The following COL7A1 variants were observed in gnomAD, a reference collection of about 807,000 sequenced individuals.
COL7A1 encodes the protein collagen alpha-1(VII) chain.
A neutral mutation model predicts 456.2 loss-of-function variants in COL7A1; 296 were observed. The observed-to-expected ratio is 0.65, with a 90% CI of 0.59 to 0.71. The LOEUF is 0.71. Among genes scored for constraint, COL7A1 ranks in the 30% least tolerant of loss-of-function variants. The probability of loss-of-function intolerance (pLI) is 0.00; values close to 1 mark genes in which losing one functional copy is unlikely to be tolerated. For missense variants in COL7A1, 3,441 were observed against 4,017.2 expected (o/e 0.86, Z 3.88); for synonymous variants, 1,464 against 1,525.9 (o/e 0.96, Z 0.95).
chr3:48,585,502 C>T lies in COL7A1; in HGVS notation c.3894+55G>A, dbSNP rs2045175152. 5 of 1,578,302 alleles carry T rather than the reference C, an allele frequency of 3.2e-6. No individual in the cohort carries two copies. In the South Asian group the frequency reaches 3.3e-5, roughly 10 times the overall value. ...CTTCTTCCTTCTCTCTTGTAAAAAC[C>T]CCGAGACAGCTTTGAGGAGTGCCTC... On this transcript the variant is annotated intron_variant, in intron 32 of 118. Coordinates refer to ENST00000681320, the MANE Select transcript of COL7A1 (RefSeq NM_000094.4). This position sits in a 1 kb window ranked among gnomAD's most constrained non-coding sequence, Gnocchi z 4.5.
At position 48,581,009 on chromosome 3, in the gene COL7A1, G is replaced by A. The variant is rs2044715465; in HGVS notation, c.4936-83C>T. 6.2e-7 allele frequency: 1 copy of A among 1,602,154 alleles called. No individual in the cohort carries two copies. Among genetic ancestry groups the A allele is most frequent in the African/African-American group, 1.3e-5 (1 of 74,664 alleles). ...GGAGAGGGGACAGAGAAGGGTCTGA[G>A]CAGCAGCTGGACAGGAGGCAGGGAG... On this transcript the variant is annotated intron_variant, in intron 53 of 118. Transcript: ENST00000681320. The surrounding 1 kb of genome is among the most constrained non-coding windows in gnomAD (Gnocchi z 5.8).
In COL7A1 at chr3:48,592,682, A is replaced by G; in HGVS notation, c.864T>C (p.Gly288=). 6.2e-7 allele frequency: 1 copy of G among 1,613,798 alleles called. No individual in the cohort carries two copies. Among genetic ancestry groups the G allele is most frequent in the South Asian group, 1.1e-5 (1 of 91,084 alleles). Residue 288 remains glycine (G), a synonymous_variant, in exon 8 of 119, where the codon GGT becomes GGC. Transcript: ENST00000681320. The surrounding 1 kb of genome is among the most constrained non-coding windows in gnomAD (Gnocchi z 7.6). ...GACCCCGCAGCCGCACACTGGTCTC[A>G]CCAGCTGGGACGTTCACCTGCCCAG... ...SERQEVNVPA[G]ETSVRLRGLR...
At chr3:48,576,128 G>T in intron 71 of COL7A1, 121 bp downstream of exon 71, 1 of 1,494,526 alleles carries the variant, frequency 6.7e-7, no homozygotes, top group Non-Finnish European at 9.2e-7. Flanking sequence ...CCCCAATGGG[G>T]CAGGGCACTG....
chr3:48,583,715 T>C lies in COL7A1; in HGVS notation c.4341+3A>G. 1 of 1,614,024 alleles carries C rather than the reference T, an allele frequency of 6.2e-7. No individual in the cohort carries two copies. Among genetic ancestry groups the C allele is most frequent in the South Asian group, 1.1e-5 (1 of 91,092 alleles). On this transcript the variant is annotated splice_donor_region_variant and intron_variant, in intron 40 of 118. Transcript: ENST00000681320. The surrounding 1 kb of genome is among the most constrained non-coding windows in gnomAD (Gnocchi z 5.1). The stretch of plus-strand genomic sequence containing the variant: ...TGGGACATCATCAAGTCAGCCTTCC[T>C]ACTTTTTCTCCTTTCTTTCCAGGGG...
Position 48,575,787 on chromosome 3 carries a change from G to C in COL7A1, c.5857-39C>G. ...AGAGGTCAGAGGAGCGGGGTGCGTC[G>C]CCGCAGCCCCTATGCCTGTGGGCAC... On this transcript the variant is annotated intron_variant, in intron 72 of 118. Coordinates refer to ENST00000681320, the MANE Select transcript of COL7A1 (RefSeq NM_000094.4). The surrounding 1 kb of genome is among the most constrained non-coding windows in gnomAD (Gnocchi z 6.3). 1 of 1,613,972 alleles carries C rather than the reference G, an allele frequency of 6.2e-7. No individual in the cohort carries two copies. Among genetic ancestry groups the C allele is most frequent in the Non-Finnish European group, 8.5e-7 (1 of 1,180,000 alleles).
rs759227524 is a variant in COL7A1, at chr3:48,566,473, CCCAGGCCCTCCCAGGCCCAT to C, written c.8358+17_8358+36del. 4 of 1,611,318 alleles carry C rather than the reference CCCAGGCCCTCCCAGGCCCAT, an allele frequency of 2.5e-6. No individual in the cohort carries two copies. The Admixed American group carries it at 6.7e-5, about 27-fold the overall frequency. On this transcript the variant is annotated intron_variant, in intron 113 of 118. Transcript: ENST00000681320. The surrounding 1 kb of genome is among the most constrained non-coding windows in gnomAD (Gnocchi z 5.9). ...TAGGGCCCCAGCCCACCCAGGCCCACCCAGGCCCTCCCAGGCCCATCCAGGCCCACACTCACCGTCAGTGC... is the reference window on the plus strand; with the variant it reads ...TAGGGCCCCAGCCCACCCAGGCCCACCCAGGCCCACACTCACCGTCAGTGC...
rs767909655 is a variant in COL7A1, at chr3:48,592,670, C to T, written c.876G>A (p.Val292=). 1.2e-6 allele frequency: 2 copies of T among 1,613,644 alleles called. No individual in the cohort carries two copies. Among genetic ancestry groups the T allele is most frequent in the East Asian group, 2.2e-5 (1 of 44,826 alleles). The change falls in exon 8 of 119, where the codon GTG becomes GTA. Residue 292 remains valine (V), a synonymous_variant. Coordinates refer to ENST00000681320, the MANE Select transcript of COL7A1 (RefSeq NM_000094.4). This position sits in a 1 kb window ranked among gnomAD's most constrained non-coding sequence, Gnocchi z 7.6. ...TCAGTGGCCGGAGACCCCGCAGCCG[C>T]ACACTGGTCTCACCAGCTGGGACGT... ...EVNVPAGETS[V]RLRGLRPLTE... is the part of the protein sequence containing the mutation.
rs1431457965 is a variant in COL7A1, at chr3:48,572,640, G to A, written c.6900+31C>T. ...TTGTGGGTGAGGCAGAGGAGTTGCT[G>A]CAGGGGGTGGAAGTCAGGGTCAAAG... On this transcript the variant is annotated intron_variant, in intron 88 of 118. Coordinates refer to ENST00000681320, the MANE Select transcript of COL7A1 (RefSeq NM_000094.4). This position sits in a 1 kb window ranked among gnomAD's most constrained non-coding sequence, Gnocchi z 4.6. The A allele has an allele frequency of 1.9e-6, 3 of 1,603,018 alleles. No individual in the cohort carries two copies. The highest frequency in any genetic ancestry group is 2.6e-6 in the Non-Finnish European group (3 of 1,174,736).
Position 48,593,461 on chromosome 3 carries a change from G to A in COL7A1, c.427-12C>T. 1 of 1,614,022 alleles carries A rather than the reference G, an allele frequency of 6.2e-7. No individual in the cohort carries two copies. Among genetic ancestry groups the A allele is most frequent in the Non-Finnish European group, 8.5e-7 (1 of 1,180,008 alleles). On this transcript the variant is annotated splice_polypyrimidine_tract_variant and intron_variant, in intron 4 of 118. Transcript: ENST00000681320. This position sits in a 1 kb window ranked among gnomAD's most constrained non-coding sequence, Gnocchi z 4.4. Reference sequence around the variant, plus strand: ...ATCAGGATGCAGACCTGGGACAGGTGCAGGGGTCAAATCACGGTTCCCCTG... The same window carrying A: ...ATCAGGATGCAGACCTGGGACAGGTACAGGGGTCAAATCACGGTTCCCCTG...
rs754296949 is a variant in COL7A1 at position 48,585,602 on chromosome 3, G to C, written c.3849C>G (p.Pro1283=). The C allele has an allele frequency of 6.2e-7, 1 of 1,613,900 alleles. No individual in the cohort carries two copies. Among genetic ancestry groups the C allele is most frequent in the African/African-American group, 1.3e-5 (1 of 74,946 alleles). The change falls in exon 32 of 119, where the codon CCC becomes CCG. Residue 1283 remains proline (P), a synonymous_variant. Transcript: ENST00000681320. The surrounding 1 kb of genome is among the most constrained non-coding windows in gnomAD (Gnocchi z 4.5). ...DPGLPGRTGA[P]GPQGPPGSAT... ...CACTTCCAGGGGGCCCCTGGGGGCC[G>C]GGAGCACCGGTCCTGCCCTGAAAGA...
Position 48,573,612 on chromosome 3 carries a change from GC to G in COL7A1, c.6574-56del. 6.2e-7 allele frequency: 1 copy of G among 1,613,496 alleles called. No homozygotes were observed. Among genetic ancestry groups the G allele is most frequent in the Non-Finnish European group, 8.5e-7 (1 of 1,179,592 alleles). On this transcript the variant is annotated intron_variant, in intron 82 of 118. Transcript: ENST00000681320. This position sits in a 1 kb window ranked among gnomAD's most constrained non-coding sequence, Gnocchi z 5.5. The stretch of plus-strand genomic sequence containing the variant: ...GGGCTCAGGGATTAACACAGAGAAG[GC>G]CTGGCTCATCAGCTGTGGCCAATGC...
chr3:48,586,704 A>G lies in COL7A1; in HGVS notation c.3277-15T>C. ...AGCAGGCCAACCTGGGGTGGAAGGA[A>G]ACACAGAGCCTGAGGAGGATGACAG... is the stretch of plus-strand genomic sequence containing the variant. On this transcript the variant is annotated splice_polypyrimidine_tract_variant and intron_variant, in intron 25 of 118. Transcript: ENST00000681320. This position sits in a 1 kb window ranked among gnomAD's most constrained non-coding sequence, Gnocchi z 5.1. 1 of 1,568,822 alleles carries G rather than the reference A, an allele frequency of 6.4e-7. No individual in the cohort carries two copies. The highest frequency in any genetic ancestry group is 8.6e-7 in the Non-Finnish European group (1 of 1,156,240).
Position 48,566,737 on chromosome 3 carries a change from C to T in COL7A1, c.8227G>A (p.Gly2743Ser). ...RGPEGLQGQKGERGPPGERVV... is the reference protein window; with the variant it reads ...RGPEGLQGQKSERGPPGERVV... The stretch of plus-strand genomic sequence containing the variant: ...CTCTCTCCGGGGGGACCTCGCTCAC[C>T]CTGTCAGACACAGGGACCAAGTGAG... The change falls in exon 112 of 119, where the codon GGT becomes AGT. Residue 2743 changes from glycine (G) to serine (S), a missense_variant and splice_region_variant. Coordinates refer to ENST00000681320, the MANE Select transcript of COL7A1 (RefSeq NM_000094.4). The surrounding 1 kb of genome is among the most constrained non-coding windows in gnomAD (Gnocchi z 5.9). The T allele has an allele frequency of 1.2e-6, 2 of 1,613,760 alleles. No individual in the cohort carries two copies. Among genetic ancestry groups the T allele is most frequent in the Non-Finnish European group, 1.7e-6 (2 of 1,179,980 alleles).
At position 48,575,060 on chromosome 3, in the gene COL7A1, T is replaced by A. The variant is rs370622769; in HGVS notation, c.6279+4A>T. The stretch of plus-strand genomic sequence containing the variant: ...CAGGACTAAGGCAGGGATGGGGTGA[T>A]CACCTTGGGGCCAGGGGGTCCGGGG... On this transcript the variant is annotated splice_donor_region_variant and intron_variant, in intron 76 of 118. Coordinates refer to ENST00000681320, the MANE Select transcript of COL7A1 (RefSeq NM_000094.4). This position sits in a 1 kb window ranked among gnomAD's most constrained non-coding sequence, Gnocchi z 6.3. 156 of 1,611,018 alleles carry A rather than the reference T, an allele frequency of 9.7e-5. No individual in the cohort carries two copies. The African/African-American group carries it at 1.9e-3, about 20-fold the overall frequency.
In COL7A1 at chr3:48,573,105, C is replaced by A; in HGVS notation, c.6715-49G>T. ...CAGGGTGACAATGGACACAGGACGA[C>A]ATGAGAGAACATGGGCCCCAAGGAG... On this transcript the variant is annotated intron_variant, in intron 85 of 118. Transcript: ENST00000681320. This position sits in a 1 kb window ranked among gnomAD's most constrained non-coding sequence, Gnocchi z 5.5. 3 of 1,614,094 alleles carry A rather than the reference C, an allele frequency of 1.9e-6. No individual in the cohort carries two copies. The South Asian group carries it at 3.3e-5, about 18-fold the overall frequency.
chr3:48,577,869 A>G (rs1166816124), intron 65 of COL7A1, among the ~76,000 whole-genome samples: 1 of 152,212 alleles, frequency 6.6e-6, no homozygotes, highest in Non-Finnish European at 1.5e-5. Flanking sequence ...GTGTGTGCAT[A>G]TAGAACTATG....
rs2045587674 is a variant in COL7A1 at position 48,590,177 on chromosome 3, G to T, written c.2050+36C>A. 6.2e-7 allele frequency: 1 copy of T among 1,606,222 alleles called. No homozygotes were observed. Among genetic ancestry groups the T allele is most frequent in the African/African-American group, 1.3e-5 (1 of 74,768 alleles). On this transcript the variant is annotated intron_variant, in intron 16 of 118. Transcript: ENST00000681320. The surrounding 1 kb of genome is among the most constrained non-coding windows in gnomAD (Gnocchi z 4.6). The stretch of plus-strand genomic sequence containing the variant: ...GGCATGGGGGTCTGAAAGAGCAATG[G>T]AGGCAGAGAGCCAAGGGACGGGGGC...
Position 48,586,952 on chromosome 3 carries a change from T to G in COL7A1, c.3276+20A>C. 6.3e-7 allele frequency: 1 copy of G among 1,576,702 alleles called. No individual in the cohort carries two copies. Among genetic ancestry groups the G allele is most frequent in the Middle Eastern group, 1.7e-4 (1 of 5,994 alleles). ...GGGGGCCTCAGGGAGAGGTAGAATC[T>G]GGCTGCCCCAGGGCCAAACCTGAAC... On this transcript the variant is annotated intron_variant, in intron 25 of 118. Coordinates refer to ENST00000681320, the MANE Select transcript of COL7A1 (RefSeq NM_000094.4). The surrounding 1 kb of genome is among the most constrained non-coding windows in gnomAD (Gnocchi z 5.1).
At position 48,566,584 on chromosome 3, in the gene COL7A1, C is replaced by G. The variant is rs750773012; in HGVS notation, c.8305-21G>C. ...CGCCCCTATGTGCAACAGATGGGAC[C>G]AGGCTGTGACCTCTGACCTCAGGGA... On this transcript the variant is annotated intron_variant, in intron 112 of 118. Transcript: ENST00000681320. The surrounding 1 kb of genome is among the most constrained non-coding windows in gnomAD (Gnocchi z 5.9). The G allele has an allele frequency of 4.3e-6, 7 of 1,614,170 alleles. No homozygotes were observed. In the Admixed American group the frequency reaches 1.2e-4, roughly 27 times the overall value.
Sources: gnomAD v4.1 joint callset for allele counts (sites outside exome capture counted in the v4.1 genomes callset) on GRCh38, gnomAD v4.1.1 for gene constraint, Gnocchi (gnomAD v3.1) non-coding constraint, MANE v1.5 for transcripts, NCBI Gene and HGNC (gene_info 2026-07-23, HGNC 2026-07-21) for gene names.